The following PTCH1 variants were observed in gnomAD, a reference collection of about 807,000 sequenced individuals.
The protein encoded by PTCH1 is patched 1.
A neutral mutation model predicts 144.6 loss-of-function variants in PTCH1; 14 were observed. The ratio of observed to expected loss-of-function variants is 0.10; its 90% CI spans 0.06 to 0.15. PTCH1 has a LOEUF of 0.15. Among genes scored for constraint, PTCH1 ranks in the 10% least tolerant of loss-of-function variants. PTCH1 has a pLI of 1.00. For missense variants in PTCH1, 1,623 were observed against 1,948.3 expected, an observed-to-expected ratio of 0.83 and a Z score of 3.14; for synonymous variants, 833 against 793.6, an observed-to-expected ratio of 1.05 and a Z score of -0.83.
intron 2 of PTCH1, among the ~76,000 whole-genome samples, chr9:95,505,475 A>G (rs1436838428): frequency 1.3e-5 from 2 of 152,214 alleles, no homozygotes; most frequent in East Asian, 3.8e-4. Flanking sequence ...TGTCACCAAA[A>G]TAATGTAAAA....
rs540171278 is a variant in PTCH1, at chr9:95,476,217, C to G, written c.1603-58G>C. 213 of 1,584,750 alleles carry G rather than the reference C, an allele frequency of 1.3e-4. No homozygotes were observed. The African/African-American group carries it at 2.8e-3, about 21-fold the overall frequency. ...CACTGGACATGGTCCCCTTGGAGCACAGACTGTGTGAGCAGATACGTGGCA... is the reference window on the plus strand; with the variant it reads ...CACTGGACATGGTCCCCTTGGAGCAGAGACTGTGTGAGCAGATACGTGGCA... On this transcript the variant is annotated intron_variant, in intron 11 of 23. Coordinates refer to ENST00000331920, the MANE Select transcript of PTCH1 (RefSeq NM_000264.5). The surrounding 1 kb of genome is among the most constrained non-coding windows in gnomAD (Gnocchi z 4.6).
Position 95,507,099 on chromosome 9 carries a change from C to T in PTCH1, c.202-500G>A, listed in dbSNP as rs1166382060. 12 of 985,588 alleles carry T rather than the reference C, an allele frequency of 1.2e-5. No individual in the cohort carries two copies. In the African/African-American group the frequency reaches 1.6e-4, roughly 13 times the overall value. 61.1% of individuals were successfully genotyped at this position (985,588 alleles called of 1,614,324 possible). A position where few individuals can be genotyped will look rare whatever the true frequency, so the allele number is the denominator to read the frequency against. The stretch of plus-strand genomic sequence containing the variant: ...CGGGTTCCCCCAACTGGACCCCCGC[C>T]GAGAATGGTAGTAAGTGGGGATCCA... On this transcript the variant is annotated intron_variant, in intron 1 of 23. Transcript: ENST00000331920.
intron 2 of PTCH1, among the ~76,000 whole-genome samples, chr9:95,486,191 C>A (rs1363213101): frequency 6.6e-6 from 1 of 152,204 alleles, no homozygotes; most frequent in Non-Finnish European, 1.5e-5. Flanking sequence ...GCAGACCAGA[C>A]CAAATAACCC....
chr9:95,515,951 C>T (rs370108303), intron 1 of PTCH1, among the ~76,000 whole-genome samples: 5 of 152,140 alleles, frequency 3.3e-5, no homozygotes, highest in South Asian at 2.1e-4. Context: ...CGGCTGCTCC[C>T]GCGAGCTGGC....
intron 2 of PTCH1, among the ~76,000 whole-genome samples, chr9:95,503,636 T>G (rs1237121012): frequency 3.3e-5 from 5 of 152,186 alleles, no homozygotes; most frequent in Non-Finnish European, 5.9e-5. Context: ...AAAGTAGACC[T>G]GGAGACAAAC....
intron 14 of PTCH1, 81 bp downstream of exon 14, chr9:95,468,670 A>G: frequency 6.4e-7 from 1 of 1,556,934 alleles, no homozygotes; most frequent in Non-Finnish European, 8.8e-7. Flanking sequence ...AAAAAGAAGA[A>G]AAGTAGAAGC....
At chr9:95,506,338 G>A (rs1279693642) in intron 2 of PTCH1, 69 bp downstream of exon 2, 10 of 1,532,776 alleles carry the variant, frequency 6.5e-6, no homozygotes, top group African/African-American at 2.7e-5. Context: ...GTGTGCGCTG[G>A]CGAATATCTC....
intron 12 of PTCH1, among the ~76,000 whole-genome samples, chr9:95,470,783 TAAAA>T (rs947829344): frequency 7.3e-5 from 11 of 151,028 alleles, no homozygotes; most frequent in Non-Finnish European, 1.0e-4. Context: ...GCTTTGAAAA[TAAAA>T]AACGAGGCCA....
Position 95,449,984 on chromosome 9 carries a change from G to A in PTCH1, c.3450-44C>T. ...ACGGGAACACGCGCTGTGACAGGGT[G>A]GATCGCGCCACCCTCCGTGTGCCCG... On this transcript the variant is annotated intron_variant, in intron 20 of 23. Coordinates refer to ENST00000331920, the MANE Select transcript of PTCH1 (RefSeq NM_000264.5). The surrounding 1 kb of genome is among the most constrained non-coding windows in gnomAD (Gnocchi z 5.3). The A allele has an allele frequency of 1.9e-6, 3 of 1,552,150 alleles. No individual in the cohort carries two copies. The highest frequency in any genetic ancestry group is 2.7e-6 in the Non-Finnish European group (3 of 1,125,714).
At position 95,508,898 on chromosome 9, in the gene PTCH1, C is replaced by G. The variant is rs1304738267; in HGVS notation, c.-537G>C. 7 of 896,310 alleles carry G rather than the reference C, an allele frequency of 7.8e-6. No homozygotes were observed. The highest frequency in any genetic ancestry group is 9.3e-6 in the Non-Finnish European group (7 of 749,346). 55.5% of individuals were successfully genotyped at this position (896,310 alleles called of 1,614,324 possible). ...GCAGAGCCGCCGCCGCCGCGGGGTC[C>G]GAGGGTGCCCGGCGGGTCTCAGCGC... On this transcript the variant is annotated 5_prime_UTR_variant, in exon 1 of 24. Coordinates refer to ENST00000331920, the MANE Select transcript of PTCH1 (RefSeq NM_000264.5).
At chr9:95,459,046 C>A (rs1839221940) in intron 17 of PTCH1, among the ~76,000 whole-genome samples, 1 of 152,148 alleles carries the variant, frequency 6.6e-6, no homozygotes, top group Non-Finnish European at 1.5e-5. Flanking sequence ...ACTAATATCT[C>A]CACCAGAAAT....
chr9:95,509,617 A>G (rs1184917421), upstream of PTCH1, among the ~76,000 whole-genome samples: 1 of 152,018 alleles, frequency 6.6e-6, no homozygotes, highest in Non-Finnish European at 1.5e-5. Flanking sequence ...GCGCGCACGC[A>G]CACACACGAA....
chr9:95,482,060 G>T lies in PTCH1; in HGVS notation c.655-20C>A, dbSNP rs2118468133. On this transcript the variant is annotated intron_variant, in intron 4 of 23. Coordinates refer to ENST00000331920, the MANE Select transcript of PTCH1 (RefSeq NM_000264.5). ...TATTATCTGTCAAAGTTAAAAAGAAGAGGCCATGCGTTAGGTTAAGGCACA... is the reference window on the plus strand; with the variant it reads ...TATTATCTGTCAAAGTTAAAAAGAATAGGCCATGCGTTAGGTTAAGGCACA... 3 of 1,612,080 alleles carry T rather than the reference G, an allele frequency of 1.9e-6. No homozygotes were observed. The highest frequency in any genetic ancestry group is 2.5e-6 in the Non-Finnish European group (3 of 1,178,144).
At chr9:95,490,220 T>C (rs576211254) in intron 2 of PTCH1, among the ~76,000 whole-genome samples, 91 of 148,812 alleles carry the variant, frequency 6.1e-4, no homozygotes, top group Non-Finnish European at 1.2e-3. Flanking sequence ...ATGCCTGTAA[T>C]CCCAGCACTT....
intron 2 of PTCH1, among the ~76,000 whole-genome samples, chr9:95,489,984 A>T (rs562290544): frequency 5.5e-4 from 83 of 151,012 alleles, no homozygotes; most frequent in African/African-American, 1.9e-3. Context: ...TTGTATTTTT[A>T]GTAGAGATGG....
Position 95,458,337 on chromosome 9 carries a change from G to C in PTCH1, c.2888-44C>G. 1 of 1,600,306 alleles carries C rather than the reference G, an allele frequency of 6.2e-7. No homozygotes were observed. The highest frequency in any genetic ancestry group is 8.5e-7 in the Non-Finnish European group (1 of 1,172,664). On this transcript the variant is annotated intron_variant, in intron 17 of 23. Coordinates refer to ENST00000331920, the MANE Select transcript of PTCH1 (RefSeq NM_000264.5). The surrounding 1 kb of genome is among the most constrained non-coding windows in gnomAD (Gnocchi z 4.7). ...AGGTTAGGAGCAGCCCAGGGTAGAA[G>C]AGCATCACAGTTTCAATGGAAAGAG...
At position 95,468,642 on chromosome 9, in the gene PTCH1, ATT is replaced by A. The variant is rs35352942; in HGVS notation, c.2250+107_2250+108del. The A allele has an allele frequency of 0.02, 25,375 of 1,251,086 alleles. 138 individuals are homozygous for A. The highest frequency in any genetic ancestry group is 0.03 in the East Asian group (1,171 of 39,004). The allele number at this position is 1,251,086 out of a possible 1,614,324, so 77.5% of individuals were successfully genotyped here. On this transcript the variant is annotated intron_variant, in intron 14 of 23. Transcript: ENST00000331920. ...CTGAAATGTATCATACTTAAACGAA[ATT>A]TTTTTTTTTTTAAGGAAAAAGAAGA...
At chr9:95,511,381 G>A (rs185513372), upstream of PTCH1, among the ~76,000 whole-genome samples, 653 of 152,308 alleles carry the variant, frequency 4.3e-3, 6 homozygotes, top group South Asian at 8.1e-3. Flanking sequence ...CCGGCTTCAG[G>A]GGGAGGCCCT....
intron 1 of PTCH1, chr9:95,507,119 G>T: frequency 1.0e-6 from 1 of 980,678 alleles, no homozygotes; most frequent in Non-Finnish European, 1.2e-6. Context: ...AGTAAGTGGG[G>T]ATCCACGTGG....
Sources: gnomAD v4.1 joint callset for allele counts (sites outside exome capture counted in the v4.1 genomes callset) on GRCh38, gnomAD v4.1.1 for gene constraint, Gnocchi (gnomAD v3.1) non-coding constraint, MANE v1.5 for transcripts, NCBI Gene and HGNC (gene_info 2026-07-23, HGNC 2026-07-21) for gene names.